EYS: variants seen among roughly 807,000 people sequenced by gnomAD.
EYS encodes EGF-like photoreceptor maintenance factor, also known as protein eyes shut homolog.
Under a neutral mutation model 282.1 loss-of-function variants are expected in EYS, and 250 were observed. The observed-to-expected ratio is 0.89, with a 90% confidence interval of 0.80 to 0.98. EYS has a LOEUF of 0.98. Among genes scored for constraint, EYS ranks in the 50% least tolerant of loss-of-function variants. EYS has a pLI of 0.00. For missense variants in EYS, 4,016 were observed against 3,709.0 expected (o/e 1.08, Z -2.15); for synonymous variants, 1,355 against 1,282.9 (o/e 1.06, Z -1.20).
At chr6:64,870,200 A>G (rs1450218147) in intron 19 of EYS, among the ~76,000 whole-genome samples, 1 of 151,604 alleles carries the variant, frequency 6.6e-6, no homozygotes, top group Non-Finnish European at 1.5e-5. Flanking sequence ...AGAGAATTGA[A>G]AGCCTGCATA....
chr6:65,490,055 C>G (rs1472909690), intron 5 of EYS: 3 of 152,604 alleles, frequency 2.0e-5, no homozygotes, highest in African/African-American at 7.2e-5. Flanking sequence ...GAGCAAACCA[C>G]CATGGCACAT....
chr6:63,834,267 A>T (rs1771735658), intron 36 of EYS, among the ~76,000 whole-genome samples: 1 of 152,198 alleles, frequency 6.6e-6, no homozygotes, highest in Non-Finnish European at 1.5e-5. Flanking sequence ...ATGAGAGTGA[A>T]CAGGCACCCT....
At chr6:63,914,038 TG>T (rs75162221) in intron 35 of EYS, among the ~76,000 whole-genome samples, 15 of 152,246 alleles carry the variant, frequency 9.9e-5, no homozygotes, top group Admixed American at 8.5e-4. Flanking sequence ...TGTTTTCAGG[TG>T]CCACAAACCA....
chr6:64,540,036 C>T (rs1453815540), intron 26 of EYS, among the ~76,000 whole-genome samples: 2 of 152,150 alleles, frequency 1.3e-5, no homozygotes, highest in Non-Finnish European at 2.9e-5. Flanking sequence ...CAAGCTGCTG[C>T]TACATATCAA....
intron 37 of EYS, chr6:63,798,154 T>C (rs945391554): frequency 3.3e-5 from 5 of 152,178 alleles, no homozygotes; most frequent in East Asian, 1.9e-4. Context: ...TCTTCAGAAA[T>C]ACATTTGAAA....
chr6:65,643,891 G>A (rs1218465091), intron 1 of EYS, among the ~76,000 whole-genome samples: 4 of 152,080 alleles, frequency 2.6e-5, no homozygotes, highest in African/African-American at 9.7e-5. Flanking sequence ...CACATCAAGG[G>A]AGCACGCGGT....
intron 22 of EYS, among the ~76,000 whole-genome samples, chr6:64,804,501 C>T (rs1165214697): frequency 1.3e-5 from 2 of 152,180 alleles, no homozygotes; most frequent in East Asian, 1.9e-4. Context: ...ATCATAAATC[C>T]ATAATTATTA....
chr6:64,788,733 A>C (rs1774095593), intron 22 of EYS, among the ~76,000 whole-genome samples: 1 of 151,994 alleles, frequency 6.6e-6, no homozygotes. Context: ...TTCTTTCCCT[A>C]TTGTCACTTA....
chr6:65,122,262 T>C (rs1157084070), intron 12 of EYS, among the ~76,000 whole-genome samples: 1 of 152,108 alleles, frequency 6.6e-6, no homozygotes, highest in Non-Finnish European at 1.5e-5. Context: ...CCAGAATAAC[T>C]TGGCTTTCAC....
chr6:64,661,092 A>T (rs1768996768), intron 22 of EYS, among the ~76,000 whole-genome samples: 1 of 152,194 alleles, frequency 6.6e-6, no homozygotes, highest in Non-Finnish European at 1.5e-5. Context: ...ACATATCTAC[A>T]ACCATCTGAT....
intron 2 of EYS, among the ~76,000 whole-genome samples, chr6:65,500,665 G>A (rs1044689354): frequency 6.6e-6 from 1 of 151,970 alleles, no homozygotes; most frequent in Admixed American, 6.6e-5. Context: ...TCTCTAGCTT[G>A]AGCACCACTC....
At chr6:64,989,282 C>G (rs906382602) in intron 14 of EYS, among the ~76,000 whole-genome samples, 2 of 149,536 alleles carry the variant, frequency 1.3e-5, no homozygotes, top group African/African-American at 2.5e-5. Flanking sequence ...AAAGAGCACA[C>G]TACAAAATTT....
At chr6:65,296,148 T>G in intron 11 of EYS, 29 bp from the exon 12 acceptor site, 1 of 1,526,824 alleles carries the variant, frequency 6.5e-7, no homozygotes, top group African/African-American at 1.4e-5. Flanking sequence ...AAAAACCCAA[T>G]TAGTCATATA....
intron 1 of EYS, among the ~76,000 whole-genome samples, chr6:65,685,433 G>C (rs1387423288): frequency 6.6e-6 from 1 of 151,996 alleles, no homozygotes; most frequent in African/African-American, 2.4e-5. Context: ...GAATGTGTCA[G>C]AATTACCATA....
intron 22 of EYS, among the ~76,000 whole-genome samples, chr6:64,654,459 A>G (rs1360985249): frequency 6.6e-6 from 1 of 152,196 alleles, no homozygotes; most frequent in African/African-American, 2.4e-5. Flanking sequence ...AACATGAATT[A>G]TATGGAACTA....
At chr6:64,092,021 G>A (rs959727301) in intron 31 of EYS, among the ~76,000 whole-genome samples, 4 of 152,002 alleles carry the variant, frequency 2.6e-5, no homozygotes, top group African/African-American at 7.2e-5. Context: ...CTGTCCTTGC[G>A]ATAGTTTGCT....
At chr6:63,909,791 G>T (rs1773871350) in intron 35 of EYS, among the ~76,000 whole-genome samples, 1 of 152,134 alleles carries the variant, frequency 6.6e-6, no homozygotes, top group Non-Finnish European at 1.5e-5. Flanking sequence ...TTCCTATTAA[G>T]CTGGTAGAAG....
chr6:64,065,776 ACT>A (rs1280299296), intron 33 of EYS, among the ~76,000 whole-genome samples: 3 of 152,132 alleles, frequency 2.0e-5, no homozygotes, highest in African/African-American at 7.2e-5. Flanking sequence ...AAATTGATTT[ACT>A]CTGTGTGCAA....
At chr6:65,109,820 C>A (rs1163715848) in intron 12 of EYS, among the ~76,000 whole-genome samples, 2 of 152,134 alleles carry the variant, frequency 1.3e-5, no homozygotes, top group Admixed American at 1.3e-4. Context: ...AACCTGCCTA[C>A]TTCTATTCAC....
Sources: allele counts gnomAD v4.1 joint callset (sites outside exome capture counted in the v4.1 genomes callset), GRCh38; gene constraint gnomAD v4.1.1; transcripts MANE v1.5; gene names NCBI Gene and HGNC (gene_info 2026-07-23, HGNC 2026-07-21).